The following EML5 variants were observed in gnomAD, a reference collection of about 807,000 sequenced individuals.
EML5 encodes EMAP like 5.
EML5 carries 120 observed loss-of-function variants against 250.0 expected under a neutral mutation model. That is an observed-to-expected ratio of 0.48 (90% CI 0.41 to 0.56). The LOEUF is 0.56. Among genes scored for constraint, EML5 ranks in the 20% least tolerant of loss-of-function variants. The pLI, the probability that EML5 is intolerant of heterozygous loss-of-function variation, is 0.00. For missense variants in EML5, 2,006 were observed against 2,437.6 expected (o/e 0.82, Z 3.73); for synonymous variants, 771 against 806.5 (o/e 0.96, Z 0.75).
intron 5 of EML5, among the ~76,000 whole-genome samples, chr14:88,739,423 A>T (rs913609674): frequency 6.6e-6 from 1 of 152,156 alleles, no homozygotes; most frequent in Non-Finnish European, 1.5e-5. Flanking sequence ...ATCCCCCCCA[A>T]AATATCAAGG....
chr14:88,662,999 G>C (rs1246728262), intron 24 of EML5, 32 bp downstream of exon 24: 1 of 1,496,940 alleles, frequency 6.7e-7, no homozygotes, highest in Non-Finnish European at 9.0e-7. Flanking sequence ...TTATTCACAT[G>C]AACAACACTG....
chr14:88,703,789 T>C (rs2093264160), intron 13 of EML5, among the ~76,000 whole-genome samples: 2 of 152,254 alleles, frequency 1.3e-5, no homozygotes, highest in Admixed American at 1.3e-4. Flanking sequence ...TTAAAATATT[T>C]AGGCAAAAAT....
chr14:88,634,569 T>A, intron 32 of EML5, 80 bp from the exon 33 acceptor site: 1 of 808,486 alleles, frequency 1.2e-6, no homozygotes, highest in East Asian at 3.2e-5. Context: ...TAATTATAAT[T>A]TAAACTATTA....
intron 12 of EML5, among the ~76,000 whole-genome samples, chr14:88,705,224 G>T (rs1429230138): frequency 6.6e-6 from 1 of 151,996 alleles, no homozygotes; most frequent in African/African-American, 2.4e-5. Flanking sequence ...AAAGAATATT[G>T]TTAAAGGAAT....
chr14:88,711,066 G>A (rs1211529171), intron 10 of EML5, among the ~76,000 whole-genome samples: 4 of 152,130 alleles, frequency 2.6e-5, no homozygotes, highest in Non-Finnish European at 4.4e-5. Flanking sequence ...AGATCATCAT[G>A]ACTACTACTG....
chr14:88,740,835 G>T (rs778351620), intron 4 of EML5, among the ~76,000 whole-genome samples: 4 of 152,080 alleles, frequency 2.6e-5, no homozygotes, highest in Non-Finnish European at 5.9e-5. Context: ...AATATGCTAT[G>T]CTTTCCTTAG....
chr14:88,734,958 T>C (rs1233881896), intron 7 of EML5, among the ~76,000 whole-genome samples: 1 of 152,112 alleles, frequency 6.6e-6, no homozygotes, highest in Non-Finnish European at 1.5e-5. Context: ...ATAAAAATAT[T>C]TTATGAGACA....
At chr14:88,694,175 A>C (rs1018364482) in intron 17 of EML5, 132 bp downstream of exon 17, 1 of 638,204 alleles carries the variant, frequency 1.6e-6, no homozygotes, top group Non-Finnish European at 2.8e-6. Context: ...TTCAGATTTC[A>C]TCAGTTTTTC....
intron 15 of EML5, 21 bp downstream of exon 15, chr14:88,696,826 T>C (rs1249520524): frequency 6.4e-7 from 1 of 1,559,148 alleles, no homozygotes. Flanking sequence ...TAATTCTTAC[T>C]GAGACAGCAA....
At chr14:88,662,733 T>G (rs2092164775) in intron 24 of EML5, among the ~76,000 whole-genome samples, 1 of 151,778 alleles carries the variant, frequency 6.6e-6, no homozygotes, top group African/African-American at 2.4e-5. Context: ...TTTGTAGAGA[T>G]GGGGTTTCAG....
intron 32 of EML5, among the ~76,000 whole-genome samples, chr14:88,636,055 T>C (rs2090705965): frequency 6.6e-6 from 1 of 152,156 alleles, no homozygotes; most frequent in South Asian, 2.1e-4. Flanking sequence ...AGCTCAAATT[T>C]CTTAAGACAT....
intron 34 of EML5, chr14:88,627,301 G>A (rs534759531): frequency 5.0e-5 from 26 of 515,984 alleles, no homozygotes; most frequent in South Asian, 5.5e-5. Context: ...ATATTATCCT[G>A]CTGATCTGCC....
rs2088742068 is a variant in EML5 at position 88,620,730 on chromosome 14, A to G, written c.5375+24T>C. 1 of 1,528,652 alleles carries G rather than the reference A, an allele frequency of 6.5e-7. No individual in the cohort carries two copies. The allele number at this position is 1,528,652 out of a possible 1,614,324, so 94.7% of individuals were successfully genotyped here. ...AAGTTAAATCAAGTATATACTAGAA[A>G]CTCTATTCCATTTGTTCACTAACCT... On this transcript the variant is annotated intron_variant, in intron 39 of 43. Transcript: ENST00000554922. This position sits in a 1 kb window ranked among gnomAD's most constrained non-coding sequence, Gnocchi z 4.3.
At chr14:88,640,729 T>C (rs1305232464) in intron 31 of EML5, among the ~76,000 whole-genome samples, 1 of 151,806 alleles carries the variant, frequency 6.6e-6, no homozygotes, top group Non-Finnish European at 1.5e-5. Flanking sequence ...TGAACAATAC[T>C]GAAACCCAAA....
intron 43 of EML5, 123 bp from the exon 44 acceptor site, chr14:88,615,977 A>T: frequency 1.5e-6 from 2 of 1,291,250 alleles, no homozygotes. Context: ...AACTCCTTTT[A>T]TTCTGTATTT....
chr14:88,729,818 C>T (rs1043580191), intron 7 of EML5, among the ~76,000 whole-genome samples: 12 of 151,660 alleles, frequency 7.9e-5, no homozygotes, highest in African/African-American at 1.9e-4. Flanking sequence ...GCCTCAGTCT[C>T]CCAAAGTACT....
intron 1 of EML5, among the ~76,000 whole-genome samples, chr14:88,779,220 A>G (rs1259463247): frequency 6.6e-6 from 1 of 152,224 alleles, no homozygotes; most frequent in Non-Finnish European, 1.5e-5. Flanking sequence ...AATTTAGTCT[A>G]TCTTGACTGA....
At chr14:88,719,073 T>G (rs1164404587) in intron 8 of EML5, among the ~76,000 whole-genome samples, 1 of 152,182 alleles carries the variant, frequency 6.6e-6, no homozygotes, top group African/African-American at 2.4e-5. Flanking sequence ...GACAAGTGGC[T>G]AGCCATTGGT....
In EML5 at chr14:88,702,639, T is replaced by C. The variant is rs751967036; in HGVS notation, c.2052-7A>G. 28 of 1,531,086 alleles carry C rather than the reference T, an allele frequency of 1.8e-5. 1 individual carries two copies. In the South Asian group the frequency reaches 2.2e-4, roughly 12 times the overall value. The allele number at this position is 1,531,086 out of a possible 1,614,324, so 94.8% of individuals were successfully genotyped here. ...ACAGTCATAACCTCTGTAACTAATA[T>C]AGAAAACAAATCATATATAATTAAT... On this transcript the variant is annotated splice_polypyrimidine_tract_variant and splice_region_variant and intron_variant, in intron 13 of 43. Coordinates refer to ENST00000554922, the MANE Select transcript of EML5 (RefSeq NM_183387.3).
Sources: gnomAD v4.1 joint callset for allele counts (sites outside exome capture counted in the v4.1 genomes callset) on GRCh38, gnomAD v4.1.1 for gene constraint, Gnocchi (gnomAD v3.1) non-coding constraint, MANE v1.5 for transcripts, NCBI Gene and HGNC (gene_info 2026-07-23, HGNC 2026-07-21) for gene names.